ADGRG7: variants seen among roughly 807,000 people sequenced by gnomAD.
ADGRG7 encodes adhesion G protein-coupled receptor G7.
Under a neutral mutation model 88.6 loss-of-function variants are expected in ADGRG7, and 82 were observed. That is an observed-to-expected ratio of 0.93 (90% CI 0.77 to 1.11). The LOEUF is 1.11. ADGRG7 is among the 50% of genes most tolerant of loss of function. The pLI, the probability that ADGRG7 is intolerant of heterozygous loss-of-function variation, is 0.00. For missense variants in ADGRG7, 945 were observed against 953.4 expected (o/e 0.99, Z 0.12); for synonymous variants, 381 against 345.2 (o/e 1.10, Z -1.15).
At chr3:100,678,894 G>A (rs186461366) in intron 15 of ADGRG7, among the ~76,000 whole-genome samples, 6 of 152,320 alleles carry the variant, frequency 3.9e-5, no homozygotes, top group Admixed American at 2.6e-4. Flanking sequence ...CTGGGACTGC[G>A]CTGGGTCAGA....
chr3:100,619,173 C>T (rs1191038943), intron 1 of ADGRG7, among the ~76,000 whole-genome samples: 2 of 152,010 alleles, frequency 1.3e-5, no homozygotes, highest in Non-Finnish European at 2.9e-5. Context: ...CACTCCTCAG[C>T]AAATGTAAAA....
intron 1 of ADGRG7, among the ~76,000 whole-genome samples, chr3:100,624,148 CCCA>C (rs1707350478): frequency 6.6e-6 from 1 of 152,278 alleles, no homozygotes; most frequent in East Asian, 1.9e-4. Flanking sequence ...AATTTACACT[CCCA>C]CCAACAGTGT....
At chr3:100,671,900 G>A (rs2094959114) in intron 15 of ADGRG7, among the ~76,000 whole-genome samples, 1 of 152,134 alleles carries the variant, frequency 6.6e-6, no homozygotes, top group Non-Finnish European at 1.5e-5. Flanking sequence ...CCTCTATTCT[G>A]TTCCATTGGT....
Position 100,635,707 on chromosome 3 carries a change from A to T in ADGRG7, c.478A>T (p.Ile160Phe). The T allele has an allele frequency of 6.2e-7, 1 of 1,613,986 alleles. No individual in the cohort carries two copies. Among genetic ancestry groups the T allele is most frequent in the Non-Finnish European group, 8.5e-7 (1 of 1,179,942 alleles). ...VKDVTAPLNNISSEVQILTSD... is the reference protein window; with the variant it reads ...VKDVTAPLNNFSSEVQILTSD... ...GGATGTCACAGCACCACTTAATAACATTTCTTCTGAAGTCCAGATTTTAAC... is the reference window on the plus strand; with the variant it reads ...GGATGTCACAGCACCACTTAATAACTTTTCTTCTGAAGTCCAGATTTTAAC... Residue 160 changes from isoleucine to phenylalanine, a missense_variant, in exon 5 of 16, where the codon ATT becomes TTT. By Grantham distance (21) the Ile-to-Phe change is conservative (BLOSUM62 0). Coordinates refer to ENST00000273352, the MANE Select transcript of ADGRG7 (RefSeq NM_032787.3).
chr3:100,629,689 G>C lies in ADGRG7; in HGVS notation c.207G>C (p.Trp69Cys). Residue 69 changes from tryptophan to cysteine, a missense_variant, in exon 2 of 16, where the codon TGG becomes TGC. Physicochemically the swap from Trp to Cys is radical, Grantham distance 215. Transcript: ENST00000273352. ...ENGRCICTEE[W>C]KGLRCTIANF... ...GCAGATGTATTTGTACAGAAGAGTG[G>C]AAAGGACTGAGATGTACAATTGGTA... The C allele has an allele frequency of 6.2e-7, 1 of 1,611,316 alleles. No individual in the cohort carries two copies. Among genetic ancestry groups the C allele is most frequent in the African/African-American group, 1.3e-5 (1 of 74,966 alleles).
Position 100,659,802 on chromosome 3 carries a change from C to T in ADGRG7, c.1938C>T (p.Ile646=), listed in dbSNP as rs2094942815. The T allele has an allele frequency of 6.2e-7, 1 of 1,613,778 alleles. No individual in the cohort carries two copies. The highest frequency in any genetic ancestry group is 8.5e-7 in the Non-Finnish European group (1 of 1,179,898). ...GCAATGTTGTTATGTTTATTACAAT[C>T]TCGATCAAAGTGCTGTGGAAGAATA... The part of the protein sequence containing the change: ...LISNVVMFIT[I]SIKVLWKNNQ... The change falls in exon 14 of 16, where the codon ATC becomes ATT. Residue 646 remains isoleucine, a synonymous_variant. Transcript: ENST00000273352.
intron 1 of ADGRG7, among the ~76,000 whole-genome samples, chr3:100,627,399 C>G (rs1372016446): frequency 6.6e-6 from 1 of 152,046 alleles, no homozygotes; most frequent in Admixed American, 6.6e-5. Context: ...ACCTTGCATC[C>G]CTGGGATAAA....
chr3:100,684,751 G>C (rs1289588439), intron 15 of ADGRG7, among the ~76,000 whole-genome samples: 1 of 150,960 alleles, frequency 6.6e-6, no homozygotes, highest in African/African-American at 2.4e-5. Flanking sequence ...CCTCTATTTG[G>C]AATATTTTCA....
At position 100,609,973 on chromosome 3, in the gene ADGRG7, T is replaced by C; in HGVS notation, c.115+2T>C. 6.2e-7 allele frequency: 1 copy of C among 1,607,980 alleles called. No individual in the cohort carries two copies. The highest frequency in any genetic ancestry group is 8.5e-7 in the Non-Finnish European group (1 of 1,174,938). On this transcript the variant is annotated splice_donor_variant, in intron 1 of 15. Transcript: ENST00000273352. LOFTEE classifies it high-confidence loss of function. ...GGATTGTGATCAGGATCCAAAGAGG[T>C]AATGTTGTCCTGCTATGTTTAACTC...
At chr3:100,637,162 C>T (rs1707557974) in intron 5 of ADGRG7, 140 bp from the exon 6 acceptor site, 3 of 602,390 alleles carry the variant, frequency 5.0e-6, no homozygotes, top group Non-Finnish European at 5.9e-6. Context: ...AAGAATAAAC[C>T]TTTAATTTTG....
At chr3:100,652,941 G>A (rs921043180) in intron 11 of ADGRG7, among the ~76,000 whole-genome samples, 3 of 152,142 alleles carry the variant, frequency 2.0e-5, no homozygotes, top group Admixed American at 2.0e-4. Context: ...AGAGCACTTG[G>A]TTGTACACCC....
intron 15 of ADGRG7, among the ~76,000 whole-genome samples, chr3:100,675,640 T>C (rs990112078): frequency 6.6e-6 from 1 of 152,158 alleles, no homozygotes; most frequent in Admixed American, 6.5e-5. Flanking sequence ...TTTAGAAGTA[T>C]TCCCTTTGCC....
chr3:100,689,951 A>G (rs865896398), intron 15 of ADGRG7, among the ~76,000 whole-genome samples: 21 of 152,130 alleles, frequency 1.4e-4, no homozygotes, highest in Admixed American at 5.9e-4. Context: ...GTTCTCCTGG[A>G]TAATATACTG....
intron 15 of ADGRG7, among the ~76,000 whole-genome samples, chr3:100,688,886 A>G (rs1241821842): frequency 6.6e-6 from 1 of 152,200 alleles, no homozygotes; most frequent in Non-Finnish European, 1.5e-5. Flanking sequence ...GTAGATGTCT[A>G]TTAGGTCCAC....
At position 100,626,327 on chromosome 3, in the gene ADGRG7, GT is replaced by G. The variant is rs544314983; in HGVS notation, c.116-3267del. Among the ~76,000 whole-genome samples the G allele has an allele frequency of 9.9e-5, 15 of 152,134 alleles. No individual in the cohort carries two copies. The East Asian group carries it at 2.9e-3, about 29-fold the overall frequency. On this transcript the variant is annotated intron_variant, in intron 1 of 15. Coordinates refer to ENST00000273352, the MANE Select transcript of ADGRG7 (RefSeq NM_032787.3). ...GTTCTTCTTTTTGGCCTTTCTAAGT[GT>G]TTTGCATTTCCATAAATATTTTAAA...
chr3:100,645,102 G>T (rs933227430), intron 8 of ADGRG7, among the ~76,000 whole-genome samples: 3 of 152,182 alleles, frequency 2.0e-5, no homozygotes, highest in African/African-American at 7.2e-5. Context: ...TTTATCACTT[G>T]TGAAAGACAA....
chr3:100,692,631 G>A lies in ADGRG7; in HGVS notation c.2137-2113G>A, dbSNP rs1014588256. 3.3e-5 allele frequency among the ~76,000 whole-genome samples: 5 copies of A among 152,164 alleles called. No individual in the cohort carries two copies. In the South Asian group the frequency reaches 1.0e-3, roughly 32 times the overall value. Reference sequence around the variant, plus strand: ...ATGGAGCTAAAAGTCAGGAAACTTAGGCTGTTATTCAGCTTTACCATTGAT... The same window carrying A: ...ATGGAGCTAAAAGTCAGGAAACTTAAGCTGTTATTCAGCTTTACCATTGAT... On this transcript the variant is annotated intron_variant, in intron 15 of 15. Transcript: ENST00000273352.
chr3:100,616,965 A>G (rs1203100903), intron 1 of ADGRG7, among the ~76,000 whole-genome samples: 4 of 152,208 alleles, frequency 2.6e-5, no homozygotes, highest in Non-Finnish European at 5.9e-5. Flanking sequence ...AATTTGATGT[A>G]TAGAAGGCTA....
At chr3:100,667,574 C>T (rs1447246335) in intron 14 of ADGRG7, among the ~76,000 whole-genome samples, 1 of 152,132 alleles carries the variant, frequency 6.6e-6, no homozygotes, top group Non-Finnish European at 1.5e-5. Context: ...TCCAGTTTAT[C>T]ATTGATGGAC....
Sources: allele counts gnomAD v4.1 joint callset (sites outside exome capture counted in the v4.1 genomes callset), GRCh38; gene constraint gnomAD v4.1.1; transcripts MANE v1.5; gene names NCBI Gene and HGNC (gene_info 2026-07-23, HGNC 2026-07-21).